The following PACRG variants were observed in gnomAD, a reference collection of about 807,000 sequenced individuals.
The protein encoded by PACRG is parkin coregulated.
A neutral mutation model predicts 29.7 loss-of-function variants in PACRG; 29 were observed. That is an observed-to-expected ratio of 0.98 (90% CI 0.73 to 1.33). The LOEUF is 1.33. Ranked by LOEUF, PACRG falls within the 40% of genes most tolerant of loss-of-function variation. The probability of loss-of-function intolerance (pLI) is 0.00; values close to 1 mark genes in which losing one functional copy is unlikely to be tolerated. For synonymous variants in PACRG, 116 were observed against 118.7 expected (o/e 0.98, Z 0.15); for missense variants, 279 against 316.2 (o/e 0.88, Z 0.89).
chr6:163,149,510 T>G (rs1420138769), intron 4 of PACRG, among the ~76,000 whole-genome samples: 3 of 152,152 alleles, frequency 2.0e-5, no homozygotes, highest in African/African-American at 7.2e-5. Flanking sequence ...GGCTTTTCTA[T>G]CCACCGCGAG....
chr6:162,943,138 C>T (rs534084826), intron 2 of PACRG, among the ~76,000 whole-genome samples: 59 of 152,282 alleles, frequency 3.9e-4, no homozygotes, highest in Admixed American at 2.4e-3. Flanking sequence ...ACTCTGTGAC[C>T]GCATTGCTCG....
chr6:163,262,715 A>G (rs1412842532), intron 4 of PACRG, among the ~76,000 whole-genome samples: 6 of 152,082 alleles, frequency 3.9e-5, no homozygotes, highest in African/African-American at 9.6e-5. Context: ...TCACATTTTT[A>G]TCAGGAAACA....
In PACRG at chr6:162,791,307, G is replaced by GTTTTTTTTT. The variant is rs141410582; in HGVS notation, c.157-22837_157-22836insTTTTTTTTT. 1.3e-3 allele frequency among the ~76,000 whole-genome samples: 155 copies of GTTTTTTTTT among 117,714 alleles called. 1 individual carries two copies. The highest frequency in any genetic ancestry group is 1.7e-3 in the African/African-American group (52 of 30,194). 77.2% of individuals were successfully genotyped at this position (117,714 alleles called of 152,430 possible). A position where few individuals can be genotyped will look rare whatever the true frequency, so the allele number is the denominator to read the frequency against. On this transcript the variant is annotated intron_variant, in intron 1 of 4. Coordinates refer to ENST00000366888, the MANE Select transcript of PACRG (RefSeq NM_001080379.2). The stretch of plus-strand genomic sequence containing the variant: ...CCCCACTCTGACTCCTAGTTTGTTT[G>GTTTTTTTTT]TTTGTTTTTTTTTTTTTTGCTTTGC...
chr6:162,946,142 A>C (rs1798986047), intron 2 of PACRG, among the ~76,000 whole-genome samples: 2 of 152,096 alleles, frequency 1.3e-5, no homozygotes, highest in Admixed American at 1.3e-4. Flanking sequence ...AGTAGAAGGA[A>C]AGAAATAATA....
Position 163,134,503 on chromosome 6 carries a change from A to G in PACRG, c.613+45095A>G, listed in dbSNP as rs560884939. Among the ~76,000 whole-genome samples, 6 of 152,318 alleles carry G rather than the reference A, an allele frequency of 3.9e-5. No homozygotes were observed. In the South Asian group the frequency reaches 1.2e-3, roughly 32 times the overall value. ...TGTACTATACTAAAGTTCTATACTA[A>G]AAGACACATATTTAGAGGAAGGATA... is the stretch of plus-strand genomic sequence containing the variant. On this transcript the variant is annotated intron_variant, in intron 4 of 4. Coordinates refer to ENST00000366888, the MANE Select transcript of PACRG (RefSeq NM_001080379.2).
chr6:163,099,499 A>C (rs1160909271), intron 4 of PACRG, among the ~76,000 whole-genome samples: 2 of 152,196 alleles, frequency 1.3e-5, no homozygotes, highest in Non-Finnish European at 2.9e-5. Context: ...TAAAGCTTTA[A>C]TTTAAGGAGG....
At chr6:162,828,335 A>G (rs182161435) in intron 2 of PACRG, among the ~76,000 whole-genome samples, 1 of 152,330 alleles carries the variant, frequency 6.6e-6, no homozygotes, top group East Asian at 1.9e-4. Context: ...TTGTTCATTT[A>G]AACCCCAGTG....
chr6:163,020,936 C>T (rs903978248), intron 2 of PACRG, among the ~76,000 whole-genome samples: 5 of 152,300 alleles, frequency 3.3e-5, no homozygotes, highest in African/African-American at 1.2e-4. Flanking sequence ...GCCCCCACGG[C>T]CTCAGCACCC....
intron 1 of PACRG, among the ~76,000 whole-genome samples, chr6:162,803,697 A>G (rs1207123540): frequency 1.3e-5 from 2 of 152,216 alleles, no homozygotes; most frequent in Admixed American, 1.3e-4. Flanking sequence ...AAAGACATGA[A>G]CACGCATTCA....
chr6:162,747,088 A>C (rs1222255839), intron 1 of PACRG, among the ~76,000 whole-genome samples: 1 of 151,766 alleles, frequency 6.6e-6, no homozygotes. Flanking sequence ...TCTGTTGCTA[A>C]AGGAGATTAA....
At chr6:162,929,574 T>C (rs1171914437) in intron 2 of PACRG, among the ~76,000 whole-genome samples, 1 of 152,066 alleles carries the variant, frequency 6.6e-6, no homozygotes, top group Non-Finnish European at 1.5e-5. Context: ...AAAAGCTTTC[T>C]AGCTTGATAT....
intron 2 of PACRG, among the ~76,000 whole-genome samples, chr6:162,875,681 T>G (rs1793281115): frequency 6.6e-6 from 1 of 152,236 alleles, no homozygotes; most frequent in Non-Finnish European, 1.5e-5. Context: ...AGGCTGGTTT[T>G]CCCCCAAAAA....
intron 2 of PACRG, among the ~76,000 whole-genome samples, chr6:163,031,907 C>T (rs1164390637): frequency 3.9e-5 from 6 of 152,192 alleles, no homozygotes; most frequent in African/African-American, 1.4e-4. Flanking sequence ...TTCCAAACAG[C>T]TTTTATTGGC....
intron 1 of PACRG, among the ~76,000 whole-genome samples, chr6:162,801,891 A>G (rs1785912771): frequency 6.6e-6 from 1 of 152,190 alleles, no homozygotes; most frequent in African/African-American, 2.4e-5. Context: ...GGACAAATAC[A>G]GGGAATAGCA....
At chr6:163,305,292 G>A (rs770700010) in intron 4 of PACRG, among the ~76,000 whole-genome samples, 3 of 152,216 alleles carry the variant, frequency 2.0e-5, no homozygotes, top group South Asian at 2.1e-4. Context: ...CCCAACATAA[G>A]TGACTTCAAT....
chr6:163,241,670 G>A (rs1782512743), intron 4 of PACRG, among the ~76,000 whole-genome samples: 1 of 152,240 alleles, frequency 6.6e-6, no homozygotes, highest in South Asian at 2.1e-4. Context: ...CTGGGTAGAT[G>A]TGGGGGGTGA....
intron 2 of PACRG, among the ~76,000 whole-genome samples, chr6:162,852,083 T>C (rs983002118): frequency 2.0e-5 from 3 of 151,126 alleles, no homozygotes; most frequent in Admixed American, 1.3e-4. Flanking sequence ...TTAGAAGTAT[T>C]ACTAATGCAT....
intron 2 of PACRG, among the ~76,000 whole-genome samples, chr6:162,981,290 C>CATATATATATATATAT (rs150972042): frequency 7.2e-6 from 1 of 139,508 alleles, no homozygotes; most frequent in African/African-American, 2.9e-5. Flanking sequence ...ATGTATAAAA[C>CATATATATATATATAT]ATATATATAT....
intron 2 of PACRG, among the ~76,000 whole-genome samples, chr6:162,959,338 G>A (rs1562780558): frequency 6.6e-6 from 1 of 152,066 alleles, no homozygotes; most frequent in Non-Finnish European, 1.5e-5. Context: ...GGGTCAGGGT[G>A]AGCTTGCTGA....
Sources: gnomAD v4.1 joint callset for allele counts (sites outside exome capture counted in the v4.1 genomes callset) on GRCh38, gnomAD v4.1.1 for gene constraint, MANE v1.5 for transcripts, NCBI Gene and HGNC (gene_info 2026-07-23, HGNC 2026-07-21) for gene names.